Variants in OXR1 observed in about 807,000 individuals in gnomAD.
OXR1 encodes the protein oxidation resistance protein 1.
In OXR1, 41 loss-of-function variants were observed where a neutral mutation model predicts 104.6. The observed-to-expected ratio is 0.39, with a 90% CI of 0.31 to 0.51. The LOEUF is 0.51. Among genes scored for constraint, OXR1 ranks in the 20% least tolerant of loss-of-function variants. The pLI is 0.77. For missense variants in OXR1, 955 were observed against 1,031.9 expected (o/e 0.93, Z 1.02); for synonymous variants, 348 against 348.4 (o/e 1.00, Z 0.01).
chr8:106,398,949 T>G (rs1157048648), intron 2 of OXR1, among the ~76,000 whole-genome samples: 1 of 152,224 alleles, frequency 6.6e-6, no homozygotes, highest in African/African-American at 2.4e-5. Flanking sequence ...TTTTCTCATC[T>G]TCCCTAAAAT....
In OXR1 at chr8:106,707,030, C is replaced by G; in HGVS notation, c.1509C>G (p.Arg503=). 6.2e-7 allele frequency: 1 copy of G among 1,613,838 alleles called. No homozygotes were observed. The highest frequency in any genetic ancestry group is 8.5e-7 in the Non-Finnish European group (1 of 1,179,908). The change falls in exon 9 of 17, where the codon CGC becomes CGG. Residue 503 remains arginine (R), a synonymous_variant. Coordinates refer to ENST00000517566, the MANE Select transcript of OXR1 (RefSeq NM_001198533.2). The part of the protein sequence containing the change: ...QDSQTEAEEL[R]KLWKTHTMQQ... ...CACAGACAGAGGCAGAAGAGCTACGCAAACTTTGGAAAACCCATACTATGC... is the reference window on the plus strand; with the variant it reads ...CACAGACAGAGGCAGAAGAGCTACGGAAACTTTGGAAAACCCATACTATGC...
At chr8:106,456,907 G>T (rs548308037) in intron 2 of OXR1, among the ~76,000 whole-genome samples, 1 of 152,222 alleles carries the variant, frequency 6.6e-6, no homozygotes, top group Non-Finnish European at 1.5e-5. Context: ...GAAAATTCCA[G>T]TTGCATTTAT....
chr8:106,686,867 T>G (rs1478109218), intron 6 of OXR1, among the ~76,000 whole-genome samples: 1 of 152,238 alleles, frequency 6.6e-6, no homozygotes, highest in Non-Finnish European at 1.5e-5. Context: ...CACTTTTTTT[T>G]GTTCACATAT....
chr8:106,725,857 A>G (rs1833286208), intron 11 of OXR1, among the ~76,000 whole-genome samples: 1 of 152,204 alleles, frequency 6.6e-6, no homozygotes, highest in African/African-American at 2.4e-5. Context: ...CATGTGCTTT[A>G]AGAGACTCTG....
At chr8:106,473,713 G>C (rs1416732375) in intron 2 of OXR1, among the ~76,000 whole-genome samples, 1 of 151,640 alleles carries the variant, frequency 6.6e-6, no homozygotes, top group Non-Finnish European at 1.5e-5. Flanking sequence ...TTTCTTAAGA[G>C]AGTTATTTTC....
At chr8:106,499,595 C>A (rs1356309952) in intron 2 of OXR1, among the ~76,000 whole-genome samples, 2 of 152,148 alleles carry the variant, frequency 1.3e-5, no homozygotes, top group African/African-American at 4.8e-5. Context: ...GACCCACCAC[C>A]ACCTCCAAAA....
chr8:106,462,677 A>G (rs1371423289), intron 2 of OXR1, among the ~76,000 whole-genome samples: 2 of 152,280 alleles, frequency 1.3e-5, no homozygotes, highest in East Asian at 3.9e-4. Context: ...ATAATGTGCA[A>G]TAAACAGAAA....
intron 3 of OXR1, among the ~76,000 whole-genome samples, chr8:106,595,289 C>T (rs953768220): frequency 7.3e-5 from 11 of 150,990 alleles, no homozygotes; most frequent in South Asian, 2.1e-4. Context: ...CGCTGGCTCA[C>T]GCCTGTAATC....
chr8:106,415,402 T>A (rs576486763), intron 2 of OXR1, among the ~76,000 whole-genome samples: 1 of 152,316 alleles, frequency 6.6e-6, no homozygotes, highest in African/African-American at 2.4e-5. Flanking sequence ...CATTCAAATT[T>A]AGTTCTAGCA....
chr8:106,567,621 A>G (rs1021381298), intron 3 of OXR1, among the ~76,000 whole-genome samples: 2 of 152,182 alleles, frequency 1.3e-5, no homozygotes, highest in African/African-American at 4.8e-5. Flanking sequence ...GAACATTTGG[A>G]AGCTTACATT....
Position 106,716,391 on chromosome 8 carries a change from G to A in OXR1, c.1956+2406G>A, listed in dbSNP as rs1232525724. 3.2e-5 allele frequency among the ~76,000 whole-genome samples: 3 copies of A among 93,944 alleles called. 1 individual carries two copies. Among genetic ancestry groups the A allele is most frequent in the Non-Finnish European group, 2.2e-5 (1 of 46,148 alleles). The allele number at this position is 93,944 out of a possible 152,430, so 61.6% of individuals were successfully genotyped here. A position where few individuals can be genotyped will look rare whatever the true frequency, so the allele number is the denominator to read the frequency against. ...TGTAATCCCAGCACTTTGGGAGGCC[G>A]AGGCGGGTGGATCATGAGGTCAGGA... On this transcript the variant is annotated intron_variant, in intron 11 of 16. Coordinates refer to ENST00000517566, the MANE Select transcript of OXR1 (RefSeq NM_001198533.2).
At position 106,471,438 on chromosome 8, in the gene OXR1, C is replaced by T. The variant is rs554905451; in HGVS notation, c.24-47505C>T. On this transcript the variant is annotated intron_variant, in intron 2 of 16. Transcript: ENST00000517566. ...GCCCAGCAGGCAAGATGGTTGTACT[C>T]TGACCTCAGTGTACCTTACTGGCTT... 2.0e-4 allele frequency among the ~76,000 whole-genome samples: 30 copies of T among 151,902 alleles called. No individual in the cohort carries two copies. In the East Asian group the frequency reaches 4.7e-3, roughly 24 times the overall value.
chr8:106,374,469 A>G (rs1027929851), intron 2 of OXR1, among the ~76,000 whole-genome samples: 1 of 152,212 alleles, frequency 6.6e-6, no homozygotes, highest in African/African-American at 2.4e-5. Context: ...GTATTTAGAA[A>G]TATCTATTTT....
At chr8:106,539,268 G>A (rs895144231) in intron 3 of OXR1, among the ~76,000 whole-genome samples, 6 of 152,112 alleles carry the variant, frequency 3.9e-5, no homozygotes, top group Non-Finnish European at 7.4e-5. Context: ...TCTTACTGCC[G>A]TAATTTTACT....
chr8:106,393,934 T>C (rs1395612081), intron 2 of OXR1, among the ~76,000 whole-genome samples: 2 of 152,146 alleles, frequency 1.3e-5, no homozygotes, highest in Non-Finnish European at 2.9e-5. Context: ...GAAAAGGTGA[T>C]ACTTCTACAT....
chr8:106,673,163 C>T (rs1827219435), intron 3 of OXR1, among the ~76,000 whole-genome samples: 1 of 152,210 alleles, frequency 6.6e-6, no homozygotes, highest in South Asian at 2.1e-4. Flanking sequence ...AGAAACTTGT[C>T]GAATGGCTTT....
chr8:106,403,557 C>A lies in OXR1; in HGVS notation c.23+43921C>A, dbSNP rs114677764. Among the ~76,000 whole-genome samples the A allele has an allele frequency of 2.6e-3, 396 of 152,336 alleles. 5 individuals carry two copies. Among genetic ancestry groups the A allele is most frequent in the African/African-American group, 9.3e-3 (385 of 41,576 alleles). On this transcript the variant is annotated intron_variant, in intron 2 of 16. Coordinates refer to ENST00000517566, the MANE Select transcript of OXR1 (RefSeq NM_001198533.2). ...TGGTAAAATGTATATCTTCTGGATT[C>A]TACCAGTTTAGATAGGTAGATCACA...
chr8:106,654,463 C>G (rs1431915072), intron 3 of OXR1, among the ~76,000 whole-genome samples: 1 of 151,998 alleles, frequency 6.6e-6, no homozygotes, highest in Non-Finnish European at 1.5e-5. Context: ...GGTGCTGGAA[C>G]AACTGGATAG....
At chr8:106,738,039 TA>T (rs1443246159) in intron 12 of OXR1, among the ~76,000 whole-genome samples, 3 of 152,306 alleles carry the variant, frequency 2.0e-5, no homozygotes, top group African/African-American at 7.2e-5. Flanking sequence ...AATATCTCAA[TA>T]GGATAAACTG....
Sources: gnomAD v4.1 joint callset for allele counts (sites outside exome capture counted in the v4.1 genomes callset) on GRCh38, gnomAD v4.1.1 for gene constraint, MANE v1.5 for transcripts, NCBI Gene and HGNC (gene_info 2026-07-23, HGNC 2026-07-21) for gene names.